LRP1B: variants seen among roughly 807,000 people sequenced by gnomAD.
LRP1B encodes low-density lipoprotein receptor-related protein 1B.
A neutral mutation model predicts 556.6 loss-of-function variants in LRP1B; 217 were observed. The ratio of observed to expected loss-of-function variants is 0.39; its 90% CI spans 0.35 to 0.44. LRP1B has a LOEUF of 0.44. Among genes scored for constraint, LRP1B ranks in the 20% least tolerant of loss-of-function variants. The pLI is 1.00. For missense variants in LRP1B, 5,053 were observed against 5,620.8 expected (o/e 0.90, Z 3.23); for synonymous variants, 2,047 against 1,865.8 (o/e 1.10, Z -2.50).
chr2:141,715,222 C>T (rs1307315209), intron 2 of LRP1B, among the ~76,000 whole-genome samples: 6 of 152,118 alleles, frequency 3.9e-5, no homozygotes, highest in Non-Finnish European at 8.8e-5. Context: ...AATCCCAGCC[C>T]TTTGGGAAGC....
intron 63 of LRP1B, among the ~76,000 whole-genome samples, chr2:140,446,553 G>A (rs1225306577): frequency 2.0e-5 from 3 of 151,934 alleles, no homozygotes; most frequent in Non-Finnish European, 4.4e-5. Context: ...AAATCTAAAC[G>A]TTCCATAGAC....
chr2:141,332,333 A>T (rs1020896574), intron 3 of LRP1B, among the ~76,000 whole-genome samples: 1 of 151,990 alleles, frequency 6.6e-6, no homozygotes, highest in South Asian at 2.1e-4. Context: ...CTCATCTTGG[A>T]ATCTCACTTC....
chr2:141,570,978 G>T (rs1686506831), intron 2 of LRP1B, among the ~76,000 whole-genome samples: 1 of 151,288 alleles, frequency 6.6e-6, no homozygotes, highest in Admixed American at 6.6e-5. Context: ...TCTCCTCCTG[G>T]TAGTTCTGAG....
chr2:140,947,510 TTA>T (rs1695580227), intron 20 of LRP1B, among the ~76,000 whole-genome samples: 1 of 152,224 alleles, frequency 6.6e-6, no homozygotes. Flanking sequence ...GGGGACTGAA[TTA>T]TATGACTAAT....
At chr2:141,056,520 A>G (rs1022481743) in intron 9 of LRP1B, among the ~76,000 whole-genome samples, 1 of 151,740 alleles carries the variant, frequency 6.6e-6, no homozygotes, top group Non-Finnish European at 1.5e-5. Context: ...TTCTACTCAT[A>G]TATTCACTTA....
At chr2:141,554,405 A>G (rs1685886461) in intron 2 of LRP1B, among the ~76,000 whole-genome samples, 1 of 150,358 alleles carries the variant, frequency 6.7e-6, no homozygotes, top group Non-Finnish European at 1.5e-5. Flanking sequence ...TTATATATCT[A>G]TAGGAATAGA....
At chr2:141,174,057 C>A (rs1680627848) in intron 7 of LRP1B, among the ~76,000 whole-genome samples, 1 of 151,776 alleles carries the variant, frequency 6.6e-6, no homozygotes, top group Non-Finnish European at 1.5e-5. Flanking sequence ...GCAAGCACTA[C>A]ATTTATTCAG....
At chr2:141,467,865 G>A in intron 3 of LRP1B, among the ~76,000 whole-genome samples, 1 of 147,266 alleles carries the variant, frequency 6.8e-6, no homozygotes, top group African/African-American at 2.5e-5. Flanking sequence ...CCAGCATACA[G>A]TGTAGCACAT....
At chr2:140,443,822 C>T (rs943408990) in intron 65 of LRP1B, among the ~76,000 whole-genome samples, 5 of 152,086 alleles carry the variant, frequency 3.3e-5, no homozygotes, top group Admixed American at 6.6e-5. Flanking sequence ...TGTTAAGATA[C>T]GTTAAATGGA....
chr2:141,202,715 T>A (rs1244592991), intron 6 of LRP1B, among the ~76,000 whole-genome samples: 1 of 149,520 alleles, frequency 6.7e-6, no homozygotes, highest in Non-Finnish European at 1.5e-5. Context: ...TTACATCTTT[T>A]TTGAGAAATG....
intron 66 of LRP1B, among the ~76,000 whole-genome samples, chr2:140,439,391 A>C (rs1275453646): frequency 6.6e-6 from 1 of 152,178 alleles, no homozygotes; most frequent in Admixed American, 6.6e-5. Context: ...AGTTTAAAAG[A>C]GCAGACACCT....
chr2:140,892,843 A>G (rs549020187), intron 23 of LRP1B, among the ~76,000 whole-genome samples: 19 of 152,346 alleles, frequency 1.2e-4, no homozygotes, highest in Admixed American at 3.3e-4. Context: ...GTAACAGAGT[A>G]GGTGCACAGT....
chr2:141,595,302 TGAGA>T (rs959692156), intron 2 of LRP1B, among the ~76,000 whole-genome samples: 2 of 152,106 alleles, frequency 1.3e-5, no homozygotes, highest in Admixed American at 6.6e-5. Context: ...TATTTCTTGC[TGAGA>T]GTCACAGTCA....
chr2:141,371,757 A>AT (rs981194754), intron 3 of LRP1B, among the ~76,000 whole-genome samples: 4 of 151,886 alleles, frequency 2.6e-5, no homozygotes, highest in Non-Finnish European at 2.9e-5. Flanking sequence ...CACATCTAAG[A>AT]TTTTTTTTGG....
chr2:140,989,517 C>T lies in LRP1B; in HGVS notation c.2770+15G>A, dbSNP rs1436878400. ...TTTGGAGGAGATTTACGTGTATATC[C>T]AAGCAAACCTTTACCTGTGCAAGTT... On this transcript the variant is annotated intron_variant, in intron 17 of 90. Coordinates refer to ENST00000389484, the MANE Select transcript of LRP1B (RefSeq NM_018557.3). 5 of 1,612,062 alleles carry T rather than the reference C, an allele frequency of 3.1e-6. No individual in the cohort carries two copies. Among genetic ancestry groups the T allele is most frequent in the Non-Finnish European group, 4.2e-6 (5 of 1,178,832 alleles).
intron 7 of LRP1B, among the ~76,000 whole-genome samples, chr2:141,093,234 G>T (rs904079955): frequency 2.6e-5 from 4 of 152,124 alleles, no homozygotes; most frequent in Non-Finnish European, 5.9e-5. Flanking sequence ...CCTGGAGAGT[G>T]CACTCAAGGT....
chr2:140,448,736 G>A (rs1411299719), intron 63 of LRP1B, among the ~76,000 whole-genome samples: 1 of 151,980 alleles, frequency 6.6e-6, no homozygotes, highest in East Asian at 1.9e-4. Flanking sequence ...CTTGAAAATT[G>A]CTAAGAGAAT....
chr2:140,889,225 TG>T (rs1693729680), intron 23 of LRP1B, among the ~76,000 whole-genome samples: 1 of 152,238 alleles, frequency 6.6e-6, no homozygotes, highest in South Asian at 2.1e-4. Context: ...ACCCATTTTA[TG>T]GGGCATAATT....
intron 32 of LRP1B, among the ~76,000 whole-genome samples, chr2:140,813,097 C>G (rs1416839598): frequency 6.6e-6 from 1 of 152,072 alleles, no homozygotes; most frequent in Non-Finnish European, 1.5e-5. Context: ...TTTTAGCTTC[C>G]TAATCATTTT....
Sources: allele counts gnomAD v4.1 joint callset (sites outside exome capture counted in the v4.1 genomes callset), GRCh38; gene constraint gnomAD v4.1.1; transcripts MANE v1.5; gene names NCBI Gene and HGNC (gene_info 2026-07-23, HGNC 2026-07-21).